Variants in EPHA3 observed in about 807,000 individuals in gnomAD.
EPHA3 encodes EPH receptor A3.
A neutral mutation model predicts 107.1 loss-of-function variants in EPHA3; 42 were observed. The ratio of observed to expected loss-of-function variants is 0.39; its 90% CI spans 0.31 to 0.51. The LOEUF is 0.51. Ranked by LOEUF, EPHA3 falls within the 20% of genes least tolerant of loss-of-function variation. The probability of loss-of-function intolerance (pLI) is 0.78; values close to 1 mark genes in which losing one functional copy is unlikely to be tolerated. For missense variants in EPHA3, 1,183 were observed against 1,211.2 expected (o/e 0.98, Z 0.35); for synonymous variants, 461 against 424.8 (o/e 1.09, Z -1.05).
chr3:89,375,801 C>T (rs1708393222), intron 5 of EPHA3, among the ~76,000 whole-genome samples: 1 of 151,848 alleles, frequency 6.6e-6, no homozygotes, highest in Non-Finnish European at 1.5e-5. Flanking sequence ...ATTAGGTATC[C>T]TGGAAGAGCT....
chr3:89,443,314 C>T (rs1427046115), intron 13 of EPHA3, among the ~76,000 whole-genome samples: 1 of 152,108 alleles, frequency 6.6e-6, no homozygotes, highest in Non-Finnish European at 1.5e-5. Context: ...CATCCTGTGA[C>T]ATATTTTTGT....
intron 2 of EPHA3, among the ~76,000 whole-genome samples, chr3:89,170,544 T>C (rs1392223774): frequency 6.6e-6 from 1 of 152,040 alleles, no homozygotes; most frequent in Non-Finnish European, 1.5e-5. Context: ...AGCCAAGGAG[T>C]TGATGACATA....
rs544892125 is a variant in EPHA3 at position 89,387,537 on chromosome 3, C to T, written c.1307-8300C>T. 5.3e-5 allele frequency among the ~76,000 whole-genome samples: 8 copies of T among 152,102 alleles called. No homozygotes were observed. The South Asian group carries it at 8.3e-4, about 16-fold the overall frequency. The stretch of plus-strand genomic sequence containing the variant: ...AGTCTTGGGCAGTGCTTTATAGCAG[C>T]GTGAGAATGAACTGATATAACCTCT... On this transcript the variant is annotated intron_variant, in intron 5 of 16. Transcript: ENST00000336596.
chr3:89,199,921 T>C (rs189190658), intron 2 of EPHA3, among the ~76,000 whole-genome samples: 1 of 152,190 alleles, frequency 6.6e-6, no homozygotes, highest in Non-Finnish European at 1.5e-5. Context: ...TTTTAGTAAA[T>C]TAAAATAGGG....
At chr3:89,447,887 C>G (rs181242327) in intron 13 of EPHA3, among the ~76,000 whole-genome samples, 1 of 152,116 alleles carries the variant, frequency 6.6e-6, no homozygotes, top group African/African-American at 2.4e-5. Context: ...CACTATATTG[C>G]CCCCTTGAGC....
At chr3:89,343,286 A>G (rs559848875) in intron 5 of EPHA3, among the ~76,000 whole-genome samples, 3 of 152,366 alleles carry the variant, frequency 2.0e-5, no homozygotes, top group African/African-American at 7.2e-5. Flanking sequence ...AGTGTCATCT[A>G]CAAAAGCAAG....
intron 3 of EPHA3, among the ~76,000 whole-genome samples, chr3:89,247,329 G>A (rs1705056733): frequency 6.6e-6 from 1 of 152,046 alleles, no homozygotes; most frequent in Non-Finnish European, 1.5e-5. Flanking sequence ...AAATAATCAG[G>A]CACATAAAAG....
chr3:89,415,980 T>TG (rs940052382), intron 10 of EPHA3, among the ~76,000 whole-genome samples: 1 of 151,382 alleles, frequency 6.6e-6, no homozygotes, highest in African/African-American at 2.4e-5. Context: ...TATTTTTTTT[T>TG]GAGGATTAAA....
At position 89,341,852 on chromosome 3, in the gene EPHA3, T is replaced by C. The variant is rs769155401; in HGVS notation, c.1068T>C (p.Asp356=). 6 of 1,613,774 alleles carry C rather than the reference T, an allele frequency of 3.7e-6. No individual in the cohort carries two copies. The East Asian group carries it at 6.7e-5, about 18-fold the overall frequency. ...CCCTGGACACAGGAGGCCGGAAAGATGTTACCTTCAACATCATATGTAAAA... is the reference window on the plus strand; with the variant it reads ...CCCTGGACACAGGAGGCCGGAAAGACGTTACCTTCAACATCATATGTAAAA... ...SWPLDTGGRK[D]VTFNIICKKC... is the part of the protein sequence containing the mutation. The change falls in exon 5 of 17, where the codon GAT becomes GAC. Residue 356 remains aspartate (D), a synonymous_variant. Transcript: ENST00000336596.
At chr3:89,370,110 G>A (rs1229804944) in intron 5 of EPHA3, among the ~76,000 whole-genome samples, 5 of 150,732 alleles carry the variant, frequency 3.3e-5, no homozygotes, top group African/African-American at 1.2e-4. Context: ...GATTCCTCAG[G>A]GATCTAGAAC....
chr3:89,205,667 C>G (rs1706083520), intron 2 of EPHA3, among the ~76,000 whole-genome samples: 1 of 152,156 alleles, frequency 6.6e-6, no homozygotes, highest in African/African-American at 2.4e-5. Flanking sequence ...TTTTGAGCTC[C>G]TCTTTTGTTT....
intron 3 of EPHA3, 101 bp downstream of exon 3, chr3:89,210,621 GA>G (rs1305025991): frequency 7.8e-7 from 1 of 1,273,950 alleles, no homozygotes; most frequent in African/African-American, 1.5e-5. Context: ...CACTTGGCAG[GA>G]AAACATGCCT....
chr3:89,439,659 A>T (rs1709743790), intron 13 of EPHA3, among the ~76,000 whole-genome samples: 1 of 151,878 alleles, frequency 6.6e-6, no homozygotes, highest in Non-Finnish European at 1.5e-5. Context: ...AATATATATA[A>T]AAAATACAAA....
At chr3:89,420,683 T>G (rs1709336005) in intron 11 of EPHA3, among the ~76,000 whole-genome samples, 1 of 151,488 alleles carries the variant, frequency 6.6e-6, no homozygotes, top group South Asian at 2.1e-4. Context: ...TACTGTTTTA[T>G]GTCTGTACAG....
chr3:89,184,998 T>C (rs148190714), intron 2 of EPHA3, among the ~76,000 whole-genome samples: 2 of 152,184 alleles, frequency 1.3e-5, no homozygotes, highest in East Asian at 3.9e-4. Flanking sequence ...TCTTATTGGG[T>C]GCTTTTCTCC....
At chr3:89,253,025 G>T (rs1052637482) in intron 3 of EPHA3, among the ~76,000 whole-genome samples, 1 of 151,850 alleles carries the variant, frequency 6.6e-6, no homozygotes, top group Admixed American at 6.6e-5. Flanking sequence ...GCCAGAGGCT[G>T]TTTAGTTATT....
At chr3:89,196,270 C>T (rs1705834677) in intron 2 of EPHA3, among the ~76,000 whole-genome samples, 1 of 152,066 alleles carries the variant, frequency 6.6e-6, no homozygotes, top group Non-Finnish European at 1.5e-5. Flanking sequence ...TGAAATCTTC[C>T]CCTCCTCTCA....
At position 89,159,651 on chromosome 3, in the gene EPHA3, G is replaced by A. The variant is rs188671150; in HGVS notation, c.153+32378G>A. Among the ~76,000 whole-genome samples the A allele has an allele frequency of 3.8e-4, 58 of 152,254 alleles. 1 individual carries two copies. In the South Asian group the frequency reaches 9.5e-3, roughly 25 times the overall value. ...TAAGTGAGGTGTATTTGATGATTGT[G>A]TATCTAAATATAGGAAAGTGGCTCA... On this transcript the variant is annotated intron_variant, in intron 2 of 16. Transcript: ENST00000336596.
intron 3 of EPHA3, among the ~76,000 whole-genome samples, chr3:89,228,275 A>G (rs73849211): frequency 0.033 from 4,959 of 152,062 alleles, 284 homozygotes; most frequent in African/African-American, 0.11. Context: ...CTACAAAAGC[A>G]GAAAAGAAAA....
Sources: gnomAD v4.1 joint callset for allele counts (sites outside exome capture counted in the v4.1 genomes callset) on GRCh38, gnomAD v4.1.1 for gene constraint, MANE v1.5 for transcripts, NCBI Gene and HGNC (gene_info 2026-07-23, HGNC 2026-07-21) for gene names.